PLD5: variants seen among roughly 807,000 people sequenced by gnomAD.
The protein encoded by PLD5 is inactive phospholipase D5.
A neutral mutation model predicts 61.1 loss-of-function variants in PLD5; 36 were observed. The observed-to-expected ratio is 0.59, with a 90% CI of 0.45 to 0.78. PLD5 has a LOEUF of 0.78. Ranked by LOEUF, PLD5 falls within the 30% of genes least tolerant of loss-of-function variation. The pLI, the probability that PLD5 is intolerant of heterozygous loss-of-function variation, is 0.00. For synonymous variants in PLD5, 243 were observed against 242.8 expected, an observed-to-expected ratio of 1.00 and a Z score of -0.01; for missense variants, 515 against 644.4, an observed-to-expected ratio of 0.80 and a Z score of 2.17.
At chr1:242,484,510 A>C (rs1245276795) in intron 1 of PLD5, among the ~76,000 whole-genome samples, 1 of 152,226 alleles carries the variant, frequency 6.6e-6, no homozygotes, top group Admixed American at 6.5e-5. Flanking sequence ...CTAAACCAGG[A>C]AGAAGTTGAA....
At chr1:242,128,529 G>A (rs1292729386) in intron 5 of PLD5, among the ~76,000 whole-genome samples, 4 of 152,172 alleles carry the variant, frequency 2.6e-5, no homozygotes, top group South Asian at 2.1e-4. Context: ...GTCACAGCAC[G>A]TTCAGGCTGC....
Position 242,085,231 on chromosome 1 carries a change from T to G in PLD5, c.*4623A>C, listed in dbSNP as rs966553263. 3 of 152,188 alleles carry G rather than the reference T, an allele frequency of 2.0e-5. No homozygotes were observed. The highest frequency in any genetic ancestry group is 2.0e-4 in the Admixed American group (3 of 15,278). 9.4% of individuals were successfully genotyped at this position (152,188 alleles called of 1,614,324 possible). A position where few individuals can be genotyped will look rare whatever the true frequency, so the allele number is the denominator to read the frequency against. On this transcript the variant is annotated 3_prime_UTR_variant, in exon 10 of 10. Coordinates refer to ENST00000536534, the MANE Select transcript of PLD5 (RefSeq NM_001372062.1). ...AGAAAATGTGTAATAGTCTATTAAATGTAACTTTTTTTTTTCAAATTGCCA... is the reference window on the plus strand; with the variant it reads ...AGAAAATGTGTAATAGTCTATTAAAGGTAACTTTTTTTTTTCAAATTGCCA...
At chr1:242,220,223 A>G in intron 4 of PLD5, 108 bp from the exon 5 acceptor site, 1 of 1,404,548 alleles carries the variant, frequency 7.1e-7, no homozygotes, top group Non-Finnish European at 9.9e-7. Context: ...CCCAATTGAC[A>G]TTTAGGAAAG....
chr1:242,474,276 A>G (rs1190164310), intron 1 of PLD5, among the ~76,000 whole-genome samples: 1 of 152,140 alleles, frequency 6.6e-6, no homozygotes. Flanking sequence ...ACAGACCCAT[A>G]ACGTCAGCAT....
At chr1:242,501,849 T>C (rs1286752506) in intron 1 of PLD5, among the ~76,000 whole-genome samples, 1 of 151,626 alleles carries the variant, frequency 6.6e-6, no homozygotes, top group African/African-American at 2.4e-5. Context: ...AATAATAACA[T>C]TTATTTTTTG....
At chr1:242,508,111 C>T (rs1275360582) in intron 1 of PLD5, among the ~76,000 whole-genome samples, 3 of 151,750 alleles carry the variant, frequency 2.0e-5, no homozygotes, top group Admixed American at 6.6e-5. Context: ...TGCCTGTAAT[C>T]CCAGCACTTT....
intron 1 of PLD5, among the ~76,000 whole-genome samples, chr1:242,378,545 CA>C (rs1662098614): frequency 6.6e-6 from 1 of 152,004 alleles, no homozygotes; most frequent in Admixed American, 6.6e-5. Context: ...CAATAAAAAA[CA>C]ATTAAAAAAA....
chr1:242,237,665 A>G (rs924082479), intron 4 of PLD5, among the ~76,000 whole-genome samples: 2 of 152,172 alleles, frequency 1.3e-5, no homozygotes, highest in African/African-American at 4.8e-5. Flanking sequence ...GGCTGGTGGT[A>G]ACATTCTTAT....
intron 3 of PLD5, among the ~76,000 whole-genome samples, chr1:242,272,778 T>C (rs1674175726): frequency 6.6e-6 from 1 of 152,146 alleles, no homozygotes; most frequent in Non-Finnish European, 1.5e-5. Context: ...CATAAATACC[T>C]TCAGTATTAT....
chr1:242,392,197 G>A lies in PLD5; in HGVS notation c.190-43955C>T, dbSNP rs118075294. Reference sequence around the variant, plus strand: ...TGCATGTTCTCACCTACAGGTGGGAGCTAAGAACTGGGTACATATGGATAT... The same window carrying A: ...TGCATGTTCTCACCTACAGGTGGGAACTAAGAACTGGGTACATATGGATAT... On this transcript the variant is annotated intron_variant, in intron 1 of 9. Transcript: ENST00000536534. 1.8e-4 allele frequency among the ~76,000 whole-genome samples: 27 copies of A among 152,322 alleles called. No homozygotes were observed. In the East Asian group the frequency reaches 4.8e-3, roughly 27 times the overall value.
intron 1 of PLD5, among the ~76,000 whole-genome samples, chr1:242,506,810 G>A (rs981535703): frequency 8.5e-5 from 13 of 152,210 alleles, no homozygotes; most frequent in Non-Finnish European, 1.5e-4. Context: ...GTAAAGTGGC[G>A]TAGTGCACTG....
intron 4 of PLD5, among the ~76,000 whole-genome samples, chr1:242,240,475 T>G (rs1232072298): frequency 6.6e-6 from 1 of 152,230 alleles, no homozygotes; most frequent in African/African-American, 2.4e-5. Context: ...TGTAATGACC[T>G]CAGAATTGAA....
intron 1 of PLD5, among the ~76,000 whole-genome samples, chr1:242,503,444 T>C (rs955497813): frequency 3.9e-5 from 6 of 152,220 alleles, no homozygotes; most frequent in Admixed American, 2.6e-4. Context: ...TGCAGAACCA[T>C]GAGCCAATTA....
At chr1:242,354,377 T>A (rs1199578203) in intron 1 of PLD5, among the ~76,000 whole-genome samples, 1 of 152,198 alleles carries the variant, frequency 6.6e-6, no homozygotes, top group Non-Finnish European at 1.5e-5. Context: ...ATAAATAAAG[T>A]TGCCAAGATC....
chr1:242,144,133 T>C (rs952784969), intron 5 of PLD5, among the ~76,000 whole-genome samples: 6 of 152,138 alleles, frequency 3.9e-5, no homozygotes, highest in African/African-American at 1.4e-4. Flanking sequence ...CCTCCCAAAA[T>C]GTTGGGATTA....
intron 1 of PLD5, among the ~76,000 whole-genome samples, chr1:242,455,969 A>C (rs2134687): frequency 0.45 from 68,413 of 152,188 alleles, 16,822 homozygotes; most frequent in African/African-American, 0.64. Context: ...CAGGGCAGAG[A>C]CCTAGGAGTC....
At chr1:242,185,704 A>G (rs1357981347) in intron 5 of PLD5, among the ~76,000 whole-genome samples, 1 of 152,126 alleles carries the variant, frequency 6.6e-6, no homozygotes, top group Non-Finnish European at 1.5e-5. Context: ...CTCCCTTTTC[A>G]TTTTCTAACA....
At chr1:242,314,595 T>C (rs1459144507) in intron 2 of PLD5, among the ~76,000 whole-genome samples, 1 of 152,218 alleles carries the variant, frequency 6.6e-6, no homozygotes, top group Non-Finnish European at 1.5e-5. Context: ...TTCCTATCCC[T>C]TCTTTCTCTT....
At chr1:242,473,471 C>T (rs1667501592) in intron 1 of PLD5, among the ~76,000 whole-genome samples, 1 of 152,128 alleles carries the variant, frequency 6.6e-6, no homozygotes, top group Non-Finnish European at 1.5e-5. Context: ...ATCGATGTTA[C>T]ACAGGCTAGT....
Sources: allele counts gnomAD v4.1 joint callset (sites outside exome capture counted in the v4.1 genomes callset), GRCh38; gene constraint gnomAD v4.1.1; transcripts MANE v1.5; gene names NCBI Gene and HGNC (gene_info 2026-07-23, HGNC 2026-07-21).